Variants in ENOX1 observed in about 807,000 individuals in gnomAD.
ENOX1 encodes candidate growth-related and time keeping constitutive hydroquinone (NADH) oxidase.
In ENOX1, 42 loss-of-function variants were observed where a neutral mutation model predicts 82.5. That is an observed-to-expected ratio of 0.51 (90% confidence interval 0.40 to 0.66). The LOEUF is 0.66. Among genes scored for constraint, ENOX1 ranks in the 30% least tolerant of loss-of-function variants. ENOX1 has a pLI of 0.00. For synonymous variants in ENOX1, 271 were observed against 282.2 expected (o/e 0.96, Z 0.40); for missense variants, 608 against 811.6 (o/e 0.75, Z 3.05).
intron 4 of ENOX1, among the ~76,000 whole-genome samples, chr13:43,412,305 G>A (rs1460528328): frequency 6.6e-6 from 1 of 152,070 alleles, no homozygotes; most frequent in Non-Finnish European, 1.5e-5. Flanking sequence ...GGTACCCCTG[G>A]AAAAAAATCG....
chr13:43,584,394 TGA>T (rs1311220835), intron 2 of ENOX1, among the ~76,000 whole-genome samples: 2 of 152,210 alleles, frequency 1.3e-5, no homozygotes, highest in Admixed American at 6.5e-5. Flanking sequence ...TATAAGCTAG[TGA>T]GAGTCATAAT....
rs78102443 is a variant in ENOX1, at chr13:43,387,699, C to T, written c.208+24217G>A. Among the ~76,000 whole-genome samples, 393 of 152,026 alleles carry T rather than the reference C, an allele frequency of 2.6e-3. 3 individuals carry two copies. The highest frequency in any genetic ancestry group is 4.4e-3 in the Non-Finnish European group (302 of 67,986). ...ATATATAAACATACACATGCACACACACACATATATAAACATATATACACA... is the reference window on the plus strand; with the variant it reads ...ATATATAAACATACACATGCACACATACACATATATAAACATATATACACA... On this transcript the variant is annotated intron_variant, in intron 5 of 16. Coordinates refer to ENST00000690772, the MANE Select transcript of ENOX1 (RefSeq NM_001347969.2).
rs183109747 is a variant in ENOX1 at position 43,639,471 on chromosome 13, G to T, written c.-219+28008C>A. 9.9e-5 allele frequency among the ~76,000 whole-genome samples: 15 copies of T among 152,210 alleles called. No homozygotes were observed. In the East Asian group the frequency reaches 2.3e-3, roughly 24 times the overall value. ...CCCTGAAGATACATTGACGGTCTAA[G>T]ATCACCAGTACCTGATTCAATTCCT... is the stretch of plus-strand genomic sequence containing the variant. On this transcript the variant is annotated intron_variant, in intron 2 of 16. Transcript: ENST00000690772.
chr13:43,561,689 A>G (rs2079677877), intron 2 of ENOX1, among the ~76,000 whole-genome samples: 1 of 152,184 alleles, frequency 6.6e-6, no homozygotes, highest in African/African-American at 2.4e-5. Context: ...CCAAAGGAAC[A>G]GTCAAGAAAT....
intron 5 of ENOX1, among the ~76,000 whole-genome samples, chr13:43,397,593 C>A (rs761476997): frequency 6.6e-6 from 1 of 152,150 alleles, no homozygotes; most frequent in Non-Finnish European, 1.5e-5. Context: ...TTAAGACTAC[C>A]ATATTTCTCC....
chr13:43,286,921 T>C (rs980501481), intron 12 of ENOX1, among the ~76,000 whole-genome samples: 5 of 152,162 alleles, frequency 3.3e-5, no homozygotes, highest in African/African-American at 1.2e-4. Flanking sequence ...TCTCCAAGCA[T>C]ATGAAGGAGG....
chr13:43,263,419 G>A lies in ENOX1; in HGVS notation c.1611+1979C>T, dbSNP rs9316005. On this transcript the variant is annotated intron_variant, in intron 14 of 16. Coordinates refer to ENST00000690772, the MANE Select transcript of ENOX1 (RefSeq NM_001347969.2). ...GCTTTGAGTTGATAACAAAGCCTACGTCATAGACTCTAGACAGGTATCTTA... is the reference window on the plus strand; with the variant it reads ...GCTTTGAGTTGATAACAAAGCCTACATCATAGACTCTAGACAGGTATCTTA... Among the ~76,000 whole-genome samples, 717 of 152,254 alleles carry A rather than the reference G, an allele frequency of 4.7e-3. 8 individuals are homozygous for A. Among genetic ancestry groups the A allele is most frequent in the African/African-American group, 0.016 (678 of 41,544 alleles).
At chr13:43,262,290 T>C (rs1012797112) in intron 14 of ENOX1, among the ~76,000 whole-genome samples, 1 of 152,204 alleles carries the variant, frequency 6.6e-6, no homozygotes, top group Non-Finnish European at 1.5e-5. Flanking sequence ...TAATAAAACA[T>C]AGTGGTTTTA....
At chr13:43,503,650 C>T (rs1314249293) in intron 2 of ENOX1, among the ~76,000 whole-genome samples, 3 of 151,550 alleles carry the variant, frequency 2.0e-5, no homozygotes, top group Non-Finnish European at 4.4e-5. Context: ...AGTGGACATC[C>T]ATATACAACA....
At chr13:43,514,677 T>C (rs2077495126) in intron 2 of ENOX1, among the ~76,000 whole-genome samples, 1 of 152,182 alleles carries the variant, frequency 6.6e-6, no homozygotes. Flanking sequence ...CAAAACTTAC[T>C]GCCAGTCCTA....
intron 12 of ENOX1, among the ~76,000 whole-genome samples, chr13:43,271,015 A>T (rs902220255): frequency 6.6e-6 from 1 of 152,164 alleles, no homozygotes; most frequent in Non-Finnish European, 1.5e-5. Flanking sequence ...CTTCATTCAC[A>T]TTCCTGACTG....
intron 2 of ENOX1, among the ~76,000 whole-genome samples, chr13:43,594,322 A>C (rs2081368482): frequency 6.6e-6 from 1 of 152,240 alleles, no homozygotes; most frequent in Non-Finnish European, 1.5e-5. Flanking sequence ...AATAGTGTGA[A>C]TAAAGATTAG....
At chr13:43,498,710 C>CA (rs1383708626) in intron 2 of ENOX1, among the ~76,000 whole-genome samples, 1 of 151,706 alleles carries the variant, frequency 6.6e-6, no homozygotes, top group Non-Finnish European at 1.5e-5. Flanking sequence ...ATGATGAATA[C>CA]AAAAAAATGA....
At chr13:43,624,695 A>C (rs1390839295) in intron 2 of ENOX1, among the ~76,000 whole-genome samples, 2 of 141,878 alleles carry the variant, frequency 1.4e-5, no homozygotes, top group Non-Finnish European at 2.9e-5. Context: ...AAATCATGCA[A>C]ATATGCACTT....
intron 1 of ENOX1, among the ~76,000 whole-genome samples, chr13:43,749,501 A>T (rs544426421): frequency 6.6e-6 from 1 of 152,336 alleles, no homozygotes; most frequent in African/African-American, 2.4e-5. Flanking sequence ...TGGAGAAGAG[A>T]GCCATGGAAA....
intron 1 of ENOX1, among the ~76,000 whole-genome samples, chr13:43,716,076 G>C (rs149652368): frequency 6.6e-6 from 1 of 152,172 alleles, no homozygotes; most frequent in African/African-American, 2.4e-5. Flanking sequence ...GTCATTCTCC[G>C]TCCAGCTTTG....
At chr13:43,238,781 A>G (rs187367607) in intron 14 of ENOX1, among the ~76,000 whole-genome samples, 3 of 152,284 alleles carry the variant, frequency 2.0e-5, no homozygotes, top group African/African-American at 7.2e-5. Flanking sequence ...ATTGGGGCCA[A>G]ATGAAATTAT....
At chr13:43,463,081 T>C (rs945730155) in intron 3 of ENOX1, among the ~76,000 whole-genome samples, 3 of 152,202 alleles carry the variant, frequency 2.0e-5, no homozygotes, top group Non-Finnish European at 4.4e-5. Context: ...ATCTCTCTCT[T>C]TCTTTAAACG....
intron 15 of ENOX1, among the ~76,000 whole-genome samples, chr13:43,225,769 A>G (rs1054869769): frequency 6.6e-6 from 1 of 152,228 alleles, no homozygotes; most frequent in Admixed American, 6.5e-5. Context: ...TCCAAGACCT[A>G]TCCTCAGAAT....
Sources: gnomAD v4.1 joint callset for allele counts (sites outside exome capture counted in the v4.1 genomes callset) on GRCh38, gnomAD v4.1.1 for gene constraint, MANE v1.5 for transcripts, NCBI Gene and HGNC (gene_info 2026-07-23, HGNC 2026-07-21) for gene names.